The following TNFRSF10A variants were observed in gnomAD, a reference collection of about 807,000 sequenced individuals.
TNFRSF10A encodes the protein TNF receptor superfamily member 10a.
TNFRSF10A carries 44 observed loss-of-function variants against 42.8 expected under a neutral mutation model. The ratio of observed to expected loss-of-function variants is 1.03; its 90% CI spans 0.81 to 1.32. The LOEUF is 1.32. Among genes scored for constraint, TNFRSF10A ranks in the 40% most tolerant of loss-of-function variants. TNFRSF10A has a pLI of 0.00. For synonymous variants in TNFRSF10A, 259 were observed against 234.2 expected, an observed-to-expected ratio of 1.11 and a Z score of -0.97; for missense variants, 680 against 602.0, an observed-to-expected ratio of 1.13 and a Z score of -1.36.
At chr8:23,196,630 T>C (rs1800827894) in intron 9 of TNFRSF10A, among the ~76,000 whole-genome samples, 2 of 152,232 alleles carry the variant, frequency 1.3e-5, no homozygotes, top group Admixed American at 6.5e-5. Flanking sequence ...ATACTAATTG[T>C]CTCAGTGATT....
chr8:23,222,549 C>T (rs1801271512), intron 1 of TNFRSF10A, among the ~76,000 whole-genome samples: 1 of 152,170 alleles, frequency 6.6e-6, no homozygotes, highest in Non-Finnish European at 1.5e-5. Context: ...GCGATTTGTT[C>T]TTCAGTCAGA....
At chr8:23,197,939 A>C (rs976217447) in intron 8 of TNFRSF10A, among the ~76,000 whole-genome samples, 23 of 152,272 alleles carry the variant, frequency 1.5e-4, no homozygotes, top group African/African-American at 5.5e-4. Flanking sequence ...AAATTTTCTC[A>C]TTTTAAATAT....
intron 2 of TNFRSF10A, among the ~76,000 whole-genome samples, chr8:23,208,108 T>G (rs1024425903): frequency 1.3e-5 from 2 of 152,162 alleles, no homozygotes; most frequent in African/African-American, 2.4e-5. Flanking sequence ...AAAAGCCTAA[T>G]AGTGATATGG....
intron 4 of TNFRSF10A, among the ~76,000 whole-genome samples, chr8:23,200,961 G>T (rs1800905231): frequency 6.6e-6 from 1 of 152,166 alleles, no homozygotes; most frequent in Admixed American, 6.5e-5. Context: ...TACCCCCTTG[G>T]CCTCCCTGCT....
At chr8:23,197,285 G>A (rs547934316) in intron 8 of TNFRSF10A, 81 bp from the exon 9 acceptor site, 26 of 1,533,762 alleles carry the variant, frequency 1.7e-5, no homozygotes, top group Middle Eastern at 1.7e-4. Flanking sequence ...CAGCCAGCCC[G>A]GAAACCTGCA....
At chr8:23,205,365 T>C (rs1800989226) in intron 2 of TNFRSF10A, among the ~76,000 whole-genome samples, 1 of 152,206 alleles carries the variant, frequency 6.6e-6, no homozygotes, top group African/African-American at 2.4e-5. Context: ...GTAATGCTGA[T>C]GTAAACAAAC....
chr8:23,223,611 C>T (rs116217843), intron 1 of TNFRSF10A, among the ~76,000 whole-genome samples: 1,810 of 152,322 alleles, frequency 0.012, 40 homozygotes, highest in African/African-American at 0.04. Flanking sequence ...TATTGGATTC[C>T]TGGATTTTGT....
chr8:23,211,927 C>T (rs977974342), intron 2 of TNFRSF10A, among the ~76,000 whole-genome samples, 189 bp downstream of exon 2: 2 of 152,168 alleles, frequency 1.3e-5, no homozygotes, highest in Non-Finnish European at 2.9e-5. Flanking sequence ...GATAAAGCTT[C>T]ATAACCTTGG....
intron 2 of TNFRSF10A, among the ~76,000 whole-genome samples, chr8:23,209,683 A>G (rs1030405430): frequency 5.9e-5 from 9 of 152,234 alleles, no homozygotes; most frequent in African/African-American, 2.2e-4. Context: ...CCCATTTGGA[A>G]TGGATGTATT....
At chr8:23,223,869 G>A (rs1480221961) in intron 1 of TNFRSF10A, among the ~76,000 whole-genome samples, 1 of 152,220 alleles carries the variant, frequency 6.6e-6, no homozygotes, top group Non-Finnish European at 1.5e-5. Context: ...TGCCTGCCTC[G>A]TGGTGGTCAA....
At chr8:23,204,241 G>A (rs978877508) in intron 2 of TNFRSF10A, among the ~76,000 whole-genome samples, 43 of 152,254 alleles carry the variant, frequency 2.8e-4, no homozygotes, top group South Asian at 1.9e-3. Context: ...GTCTATCAAG[G>A]TGTCAACTGT....
Position 23,191,741 on chromosome 8 carries a change from A to G in TNFRSF10A, c.1360T>C (p.Phe454Leu), listed in dbSNP as rs529697740. Residue 454 changes from phenylalanine (F) to leucine (L), a missense_variant, in exon 10 of 10, where the codon TTC becomes CTC. Coordinates refer to ENST00000221132, the MANE Select transcript of TNFRSF10A (RefSeq NM_003844.4). ...CCTGTGCCATCTTCTAAGTAGATGA[A>G]CTTTCCAGAGTCCACCAAGAGGTCC... Reference protein sequence around the residue: ...IQDLLVDSGKFIYLEDGTGSA... With the variant: ...IQDLLVDSGKLIYLEDGTGSA... The G allele has an allele frequency of 2.5e-6, 4 of 1,614,142 alleles. No individual in the cohort carries two copies. The highest frequency in any genetic ancestry group is 2.2e-5 in the East Asian group (1 of 44,890).
intron 8 of TNFRSF10A, 150 bp from the exon 9 acceptor site, chr8:23,197,354 T>G: frequency 1.2e-6 from 1 of 835,728 alleles, no homozygotes; most frequent in Non-Finnish European, 1.9e-6. Context: ...TGGTCCCACA[T>G]AGCTCACAGC....
chr8:23,205,038 A>C (rs747370607), intron 2 of TNFRSF10A, among the ~76,000 whole-genome samples: 16 of 152,072 alleles, frequency 1.1e-4, no homozygotes, highest in Non-Finnish European at 1.9e-4. Flanking sequence ...CAAACTATAG[A>C]TAAAGCAAGC....
chr8:23,214,562 A>G (rs1290116430), intron 1 of TNFRSF10A, among the ~76,000 whole-genome samples: 2 of 151,656 alleles, frequency 1.3e-5, no homozygotes, highest in Non-Finnish European at 2.9e-5. Flanking sequence ...TCTGCTATTG[A>G]TTTATAATTT....
chr8:23,191,967 G>C lies in TNFRSF10A; in HGVS notation c.1134C>G (p.Asp378Glu). 6.2e-7 allele frequency: 1 copy of C among 1,614,206 alleles called. No individual in the cohort carries two copies. Among genetic ancestry groups the C allele is most frequent in the Admixed American group, 1.7e-5 (1 of 60,028 alleles). Residue 378 changes from aspartate to glutamate, a missense_variant, in exon 10 of 10, where the codon GAC (aspartate) becomes GAG (glutamate). Coordinates refer to ENST00000221132, the MANE Select transcript of TNFRSF10A (RefSeq NM_003844.4). Reference sequence around the variant, plus strand: ...GCTGCCTCATGAGCTGGTCCCAGGAGTCAAAGGGCACGATGTTTGCAAACT... The same window carrying C: ...GCTGCCTCATGAGCTGGTCCCAGGACTCAAAGGGCACGATGTTTGCAAACT... ...FDKFANIVPFDSWDQLMRQLD... is the reference protein window; with the variant it reads ...FDKFANIVPFESWDQLMRQLD...
intron 8 of TNFRSF10A, among the ~76,000 whole-genome samples, chr8:23,198,709 G>A (rs1360644060): frequency 6.6e-6 from 1 of 152,264 alleles, no homozygotes; most frequent in Middle Eastern, 3.4e-3. Flanking sequence ...GTGCATGTGT[G>A]TACCTGTATG....
intron 9 of TNFRSF10A, among the ~76,000 whole-genome samples, chr8:23,194,878 C>T (rs531720431): frequency 1.2e-3 from 184 of 152,264 alleles, no homozygotes; most frequent in Non-Finnish European, 1.6e-3. Flanking sequence ...TGTGGCCAGG[C>T]GCATTGGCTC....
chr8:23,191,623 TAA>T lies in TNFRSF10A; in HGVS notation c.*69_*70del, dbSNP rs34127830. ...CTAAGAATTTACTTTGTATACATGT[TAA>T]AAAAAAAAAAAACCTAATATGTATT... On this transcript the variant is annotated 3_prime_UTR_variant, in exon 10 of 10. Transcript: ENST00000221132. 57 of 1,307,074 alleles carry T rather than the reference TAA, an allele frequency of 4.4e-5. No homozygotes were observed. The highest frequency in any genetic ancestry group is 6.4e-5 in the South Asian group (4 of 62,774). 81.0% of individuals were successfully genotyped at this position (1,307,074 alleles called of 1,614,324 possible).
Sources: allele counts gnomAD v4.1 joint callset (sites outside exome capture counted in the v4.1 genomes callset), GRCh38; gene constraint gnomAD v4.1.1; transcripts MANE v1.5; gene names NCBI Gene and HGNC (gene_info 2026-07-23, HGNC 2026-07-21).